CLCN3: variants seen among roughly 807,000 people sequenced by gnomAD.
CLCN3 encodes the protein H(+)/Cl(-) exchange transporter 3.
In CLCN3, 16 loss-of-function variants were observed where a neutral mutation model predicts 83.4. That is an observed-to-expected ratio of 0.19 (90% CI 0.13 to 0.29). The LOEUF is 0.29. Among genes scored for constraint, CLCN3 ranks in the 10% least tolerant of loss-of-function variants. The pLI is 1.00. For missense variants in CLCN3, 544 were observed against 1,006.0 expected (o/e 0.54, Z 6.21); for synonymous variants, 322 against 346.2 (o/e 0.93, Z 0.78).
At chr4:169,654,988 T>C (rs1439864926) in intron 2 of CLCN3, among the ~76,000 whole-genome samples, 1 of 152,240 alleles carries the variant, frequency 6.6e-6, no homozygotes, top group African/African-American at 2.4e-5. Flanking sequence ...TGTCATTCTG[T>C]CAATTTTTGC....
chr4:169,630,714 G>T (rs1773347820), intron 1 of CLCN3, among the ~76,000 whole-genome samples: 1 of 151,824 alleles, frequency 6.6e-6, no homozygotes, highest in African/African-American at 2.4e-5. Flanking sequence ...TATTTTTTTA[G>T]TACAGGGTTT....
chr4:169,706,951 G>T lies in CLCN3; in HGVS notation c.1834G>T (p.Ala612Ser), dbSNP rs746440784. The change falls in exon 11 of 13, where the codon GCT becomes TCT. Residue 612 changes from alanine to serine, a missense_variant. Physicochemically the swap from Ala to Ser is moderately conservative, Grantham distance 99. This residue lies in a region of CLCN3 where 27 missense variants were observed against 100.2 expected (regional missense o/e 0.27). Transcript: ENST00000513761. The part of the protein sequence containing the change: ...GGLEYIVPLM[A>S]AVMTSKWVGD... ...CTTGGAATATATTGTTCCCCTTATG[G>T]CTGCAGTCATGACCAGTAAATGGGT... 6.2e-7 allele frequency: 1 copy of T among 1,614,084 alleles called. No individual in the cohort carries two copies. Among genetic ancestry groups the T allele is most frequent in the South Asian group, 1.1e-5 (1 of 91,072 alleles).
At chr4:169,685,367 C>G (rs1224421016) in intron 3 of CLCN3, among the ~76,000 whole-genome samples, 1 of 152,130 alleles carries the variant, frequency 6.6e-6, no homozygotes, top group Non-Finnish European at 1.5e-5. Context: ...CTATCTCTGT[C>G]CCATCCAACC....
intron 2 of CLCN3, among the ~76,000 whole-genome samples, chr4:169,644,052 T>C (rs1268735438): frequency 6.6e-6 from 1 of 152,184 alleles, no homozygotes; most frequent in African/African-American, 2.4e-5. Flanking sequence ...GATAAGTGCT[T>C]TTCCTCAGGA....
At chr4:169,686,325 T>TAA (rs1340522585) in intron 3 of CLCN3, among the ~76,000 whole-genome samples, 3 of 122,766 alleles carry the variant, frequency 2.4e-5, no homozygotes, top group Admixed American at 8.2e-5. Context: ...AGTATAATAA[T>TAA]AAAAAAAAAA....
At chr4:169,641,884 A>T (rs1560831744) in intron 2 of CLCN3, among the ~76,000 whole-genome samples, 1 of 152,226 alleles carries the variant, frequency 6.6e-6, no homozygotes, top group Non-Finnish European at 1.5e-5. Context: ...TAAAACCATA[A>T]TACAAATGTA....
chr4:169,635,540 T>A (rs986584621), intron 1 of CLCN3, among the ~76,000 whole-genome samples: 4 of 152,136 alleles, frequency 2.6e-5, no homozygotes, highest in Non-Finnish European at 5.9e-5. Context: ...TGATAAAATA[T>A]TCAAAAGGGG....
At chr4:169,688,973 T>G in intron 4 of CLCN3, 70 bp from the exon 5 acceptor site, 3 of 1,364,858 alleles carry the variant, frequency 2.2e-6, no homozygotes, top group Non-Finnish European at 3.1e-6. Flanking sequence ...TACTTGCCTT[T>G]TAACTAGATT....
At chr4:169,624,728 A>G (rs920722177) in intron 1 of CLCN3, among the ~76,000 whole-genome samples, 1 of 152,244 alleles carries the variant, frequency 6.6e-6, no homozygotes, top group Non-Finnish European at 1.5e-5. Flanking sequence ...AATTTCTGGT[A>G]CATTGTTAGC....
chr4:169,656,473 T>G (rs1730888300), intron 2 of CLCN3, among the ~76,000 whole-genome samples: 1 of 152,024 alleles, frequency 6.6e-6, no homozygotes, highest in Non-Finnish European at 1.5e-5. Context: ...TCATGTAGGC[T>G]CCACACCATG....
chr4:169,697,648 G>T lies in CLCN3; in HGVS notation c.1477G>T (p.Gly493Cys). The stretch of plus-strand genomic sequence containing the variant: ...CGATGACATTCCTGATCGTCCAGCA[G>T]GCATTGGAGTATATTCAGCTATATG... Reference protein sequence around the residue: ...IVDDIPDRPAGIGVYSAIWQL... With the variant: ...IVDDIPDRPACIGVYSAIWQL... Residue 493 changes from glycine (G) to cysteine (C), a missense_variant, in exon 9 of 13, where the codon GGC (glycine) becomes TGC (cysteine). Gly to Cys is a radical substitution (Grantham distance 159, BLOSUM62 -3). This residue lies in a region of CLCN3 where 194 missense variants were observed against 341.4 expected (regional missense o/e 0.57). Transcript: ENST00000513761. The T allele has an allele frequency of 6.2e-7, 1 of 1,613,920 alleles. No individual in the cohort carries two copies.
chr4:169,650,149 A>T (rs1730693045), intron 2 of CLCN3, among the ~76,000 whole-genome samples: 1 of 152,170 alleles, frequency 6.6e-6, no homozygotes, highest in Admixed American at 6.5e-5. Flanking sequence ...CTGATAAAAC[A>T]GTTGAGTTGG....
intron 11 of CLCN3, among the ~76,000 whole-genome samples, chr4:169,709,723 T>C (rs1025377837): frequency 5.3e-5 from 8 of 151,628 alleles, no homozygotes; most frequent in African/African-American, 1.9e-4. Context: ...AAAACTGTAA[T>C]GTTGTTCTCT....
At chr4:169,719,879 A>G in intron 12 of CLCN3, 28 bp from the exon 13 acceptor site, 2 of 1,571,488 alleles carry the variant, frequency 1.3e-6, no homozygotes, top group Non-Finnish European at 1.7e-6. Context: ...CTTTTATTTC[A>G]TAGGAGTCTT....
Position 169,670,701 on chromosome 4 carries a change from C to T in CLCN3, c.161-9349C>T, listed in dbSNP as rs185959602. On this transcript the variant is annotated intron_variant, in intron 2 of 12. Coordinates refer to ENST00000513761, the MANE Select transcript of CLCN3 (RefSeq NM_001829.4). ...ATAGCGTTGAATCTATAAATTACTTCGGGCAGTATGGCCATTTTCATGATA... is the reference window on the plus strand; with the variant it reads ...ATAGCGTTGAATCTATAAATTACTTTGGGCAGTATGGCCATTTTCATGATA... 8.0e-4 allele frequency among the ~76,000 whole-genome samples: 122 copies of T among 152,228 alleles called. 2 individuals are homozygous for T. The East Asian group carries it at 0.022, about 27-fold the overall frequency.
intron 9 of CLCN3, among the ~76,000 whole-genome samples, chr4:169,703,664 C>CTTTTTTTTTTTTTTTTTT (rs112073521): frequency 7.0e-6 from 1 of 142,376 alleles, no homozygotes. Context: ...GCATATTGTC[C>CTTTTTTTTTTTTTTTTTT]TTTTTTTTTT....
At chr4:169,666,778 G>T (rs1266731189) in intron 2 of CLCN3, among the ~76,000 whole-genome samples, 1 of 152,146 alleles carries the variant, frequency 6.6e-6, no homozygotes, top group African/African-American at 2.4e-5. Context: ...ACTTGCTAGC[G>T]GTGTGACCTT....
At chr4:169,691,441 A>T (rs1732369215) in intron 6 of CLCN3, among the ~76,000 whole-genome samples, 1 of 152,136 alleles carries the variant, frequency 6.6e-6, no homozygotes, top group Non-Finnish European at 1.5e-5. Context: ...AACAGTACAA[A>T]CTTTTGGGTT....
At position 169,704,124 on chromosome 4, in the gene CLCN3, G is replaced by A; in HGVS notation, c.1690G>A (p.Val564Ile). 6.2e-7 allele frequency: 1 copy of A among 1,613,998 alleles called. No homozygotes were observed. The highest frequency in any genetic ancestry group is 8.5e-7 in the Non-Finnish European group (1 of 1,180,016). ...GTTTATCTTTAAGGAGTGGTGTGAG[G>A]TCGGGGCTGATTGCATTACACCTGG... is the stretch of plus-strand genomic sequence containing the variant. ...DWFIFKEWCEVGADCITPGLY... is the reference protein window; with the variant it reads ...DWFIFKEWCEIGADCITPGLY... Residue 564 changes from valine to isoleucine, a missense_variant, in exon 10 of 13, where the codon GTC becomes ATC. This residue lies in a region of CLCN3 where 194 missense variants were observed against 341.4 expected (regional missense o/e 0.57). Coordinates refer to ENST00000513761, the MANE Select transcript of CLCN3 (RefSeq NM_001829.4).
Sources: gnomAD v4.1 joint callset for allele counts (sites outside exome capture counted in the v4.1 genomes callset) on GRCh38, gnomAD v4.1.1 for gene constraint, gnomAD v4.1.1 regional missense constraint, MANE v1.5 for transcripts, NCBI Gene and HGNC (gene_info 2026-07-23, HGNC 2026-07-21) for gene names.